The following FGF12 variants were observed in gnomAD, a reference collection of about 807,000 sequenced individuals.
The protein encoded by FGF12 is fibroblast growth factor 12B.
In FGF12, 14 loss-of-function variants were observed where a neutral mutation model predicts 23.6. The ratio of observed to expected loss-of-function variants is 0.59; its 90% CI spans 0.39 to 0.93. The LOEUF (loss-of-function observed/expected upper bound fraction) is 0.93. Ranked by LOEUF, FGF12 falls within the 40% of genes least tolerant of loss-of-function variation. The pLI is 0.00. For synonymous variants in FGF12, 62 were observed against 77.3 expected (o/e 0.80, Z 1.04); for missense variants, 175 against 217.8 (o/e 0.80, Z 1.24).
At chr3:192,580,810 G>A (rs956177129) in intron 2 of FGF12, among the ~76,000 whole-genome samples, 2 of 152,108 alleles carry the variant, frequency 1.3e-5, no homozygotes, top group African/African-American at 4.8e-5. Context: ...TGTTGGCCAG[G>A]CTGGTTTCAA....
At chr3:192,655,849 T>C (rs1449969025) in intron 2 of FGF12, among the ~76,000 whole-genome samples, 5 of 151,860 alleles carry the variant, frequency 3.3e-5, no homozygotes, top group Non-Finnish European at 7.4e-5. Flanking sequence ...CGCATAATGA[T>C]GCAATAGAGA....
At chr3:192,199,480 AC>A (rs149079330) in intron 4 of FGF12, among the ~76,000 whole-genome samples, 2,858 of 152,312 alleles carry the variant, frequency 0.019, 124 homozygotes, top group East Asian at 0.17. Context: ...GTCTGCAAAT[AC>A]CAAGTAGCTT....
intron 2 of FGF12, among the ~76,000 whole-genome samples, chr3:192,662,201 A>T (rs372965642): frequency 6.6e-6 from 1 of 152,218 alleles, no homozygotes; most frequent in Non-Finnish European, 1.5e-5. Context: ...TTCAAAAGAG[A>T]GTCACAGTTA....
At chr3:192,376,617 C>T (rs1460614158) in intron 2 of FGF12, among the ~76,000 whole-genome samples, 3 of 152,188 alleles carry the variant, frequency 2.0e-5, no homozygotes, top group African/African-American at 7.2e-5. Flanking sequence ...CTGCCTTGGC[C>T]TCCCAAAGTG....
intron 2 of FGF12, among the ~76,000 whole-genome samples, chr3:192,433,085 G>A (rs1448390992): frequency 6.6e-5 from 10 of 152,178 alleles, no homozygotes. Flanking sequence ...GCACACATAT[G>A]TTCTATCCAG....
chr3:192,506,122 C>T (rs1217789375), intron 2 of FGF12, among the ~76,000 whole-genome samples: 3 of 152,182 alleles, frequency 2.0e-5, no homozygotes, highest in Admixed American at 6.5e-5. Context: ...TTCTGTAAGC[C>T]AGCCAGAGCC....
chr3:192,193,081 G>T (rs1189224067), intron 4 of FGF12, among the ~76,000 whole-genome samples: 1 of 152,120 alleles, frequency 6.6e-6, no homozygotes, highest in Non-Finnish European at 1.5e-5. Context: ...GGTATCAGTG[G>T]TCTGGGTTCT....
In FGF12 at chr3:192,531,561, C is replaced by T. The variant is rs151047357; in HGVS notation, c.14-171023G>A. Reference sequence around the variant, plus strand: ...TTGGGTATTTTTTTTTCTTTTTCTCCGGTCAGAACCTATTATGAAACACCC... The same window carrying T: ...TTGGGTATTTTTTTTTCTTTTTCTCTGGTCAGAACCTATTATGAAACACCC... On this transcript the variant is annotated intron_variant, in intron 2 of 5. Coordinates refer to ENST00000445105, the MANE Select transcript of FGF12 (RefSeq NM_004113.6). 3.4e-4 allele frequency among the ~76,000 whole-genome samples: 51 copies of T among 151,996 alleles called. No homozygotes were observed. In the East Asian group the frequency reaches 7.1e-3, roughly 21 times the overall value.
chr3:192,464,344 A>T (rs1722946902), intron 2 of FGF12, among the ~76,000 whole-genome samples: 1 of 151,262 alleles, frequency 6.6e-6, no homozygotes, highest in Non-Finnish European at 1.5e-5. Context: ...ATGCCTTTAC[A>T]TCCGCATAGC....
At chr3:192,590,949 C>T (rs1350932935) in intron 2 of FGF12, among the ~76,000 whole-genome samples, 17 of 151,848 alleles carry the variant, frequency 1.1e-4, no homozygotes, top group Non-Finnish European at 2.1e-4. Context: ...GAATAGTTCT[C>T]TCTCTCCCTC....
At chr3:192,388,810 C>T (rs1720164630) in intron 2 of FGF12, among the ~76,000 whole-genome samples, 1 of 151,500 alleles carries the variant, frequency 6.6e-6, no homozygotes, top group Non-Finnish European at 1.5e-5. Context: ...TATTTTAAAA[C>T]ATATTCAATT....
At chr3:192,145,439 G>T (rs2108578124) in intron 5 of FGF12, among the ~76,000 whole-genome samples, 1 of 152,248 alleles carries the variant, frequency 6.6e-6, no homozygotes. Flanking sequence ...TTCTATTACA[G>T]AACTTCTTAA....
chr3:192,253,405 A>C (rs1408597531), intron 4 of FGF12, among the ~76,000 whole-genome samples: 1 of 152,114 alleles, frequency 6.6e-6, no homozygotes, highest in Non-Finnish European at 1.5e-5. Flanking sequence ...TTAATAAAAA[A>C]TATGGCAACA....
chr3:192,528,145 A>C (rs911183100), intron 2 of FGF12, among the ~76,000 whole-genome samples: 1 of 152,178 alleles, frequency 6.6e-6, no homozygotes, highest in Non-Finnish European at 1.5e-5. Context: ...TTAACTCAAA[A>C]GTCCACAGTC....
chr3:192,273,454 C>T (rs1430869057), intron 4 of FGF12, among the ~76,000 whole-genome samples: 2 of 152,016 alleles, frequency 1.3e-5, no homozygotes, highest in African/African-American at 4.8e-5. Flanking sequence ...CATAGGGCCT[C>T]TAAGAGAGTC....
intron 2 of FGF12, among the ~76,000 whole-genome samples, chr3:192,464,188 T>C (rs1014148202): frequency 3.3e-5 from 5 of 152,116 alleles, no homozygotes; most frequent in Non-Finnish European, 7.4e-5. Context: ...TTTGGTTACA[T>C]GGATAAGTTC....
intron 2 of FGF12, among the ~76,000 whole-genome samples, chr3:192,634,601 C>T (rs185053026): frequency 1.1e-3 from 164 of 152,072 alleles, no homozygotes; most frequent in African/African-American, 3.7e-3. Context: ...AAGAAGAAAC[C>T]GACATCTGAG....
chr3:192,381,692 G>A (rs965921482), intron 2 of FGF12, among the ~76,000 whole-genome samples: 5 of 152,148 alleles, frequency 3.3e-5, no homozygotes, highest in East Asian at 1.9e-4. Flanking sequence ...AAGTGAGTAC[G>A]TGTCAGAAAA....
chr3:192,261,011 G>A (rs190482641), intron 4 of FGF12, among the ~76,000 whole-genome samples: 34 of 152,092 alleles, frequency 2.2e-4, no homozygotes, highest in African/African-American at 7.9e-4. Context: ...GAGTCACTTC[G>A]GATAAGCTAA....
Sources: gnomAD v4.1 joint callset for allele counts (sites outside exome capture counted in the v4.1 genomes callset) on GRCh38, gnomAD v4.1.1 for gene constraint, MANE v1.5 for transcripts, NCBI Gene and HGNC (gene_info 2026-07-23, HGNC 2026-07-21) for gene names.